Variants in DIAPH2 observed in about 807,000 individuals in gnomAD.
The protein encoded by DIAPH2 is protein diaphanous homolog 2.
In DIAPH2, 35 loss-of-function variants were observed where a neutral mutation model predicts 92.7. The ratio of observed to expected loss-of-function variants is 0.38; its 90% CI spans 0.29 to 0.50. The LOEUF (loss-of-function observed/expected upper bound fraction) is 0.50, where lower values mean the gene tolerates loss of function less well. Ranked by LOEUF, DIAPH2 falls within the 20% of genes least tolerant of loss-of-function variation. The probability of loss-of-function intolerance (pLI) is 0.94; values close to 1 mark genes in which losing one functional copy is unlikely to be tolerated. For missense variants in DIAPH2, 701 were observed against 819.5 expected, an observed-to-expected ratio of 0.86 and a Z score of 1.77; for synonymous variants, 301 against 280.4, an observed-to-expected ratio of 1.07 and a Z score of -0.73.
At chrX:97,101,537 G>A (rs1380423907) in intron 20 of DIAPH2, among the ~76,000 whole-genome samples, 1 of 110,912 alleles carries the variant, frequency 9.0e-6, no homozygotes, top group East Asian at 2.8e-4. Flanking sequence ...GGAAAGTCAA[G>A]GACATTACAA....
At chrX:97,274,509 A>G (rs1333865187) in intron 23 of DIAPH2, among the ~76,000 whole-genome samples, 2 of 107,833 alleles carry the variant, frequency 1.9e-5, no homozygotes, top group Non-Finnish European at 3.9e-5. Flanking sequence ...CTCCATCTCA[A>G]AAAAAAAAAA....
intron 26 of DIAPH2, among the ~76,000 whole-genome samples, chrX:97,581,146 G>T (rs1602681282): frequency 1.0e-5 from 1 of 97,868 alleles, no homozygotes; most frequent in East Asian, 3.2e-4. Flanking sequence ...ATTTTTTGAA[G>T]GGTTTTTTGT....
intron 2 of DIAPH2, among the ~76,000 whole-genome samples, chrX:96,738,035 C>T (rs1446636568): frequency 8.9e-6 from 1 of 111,821 alleles, no homozygotes; most frequent in African/African-American, 3.2e-5. Flanking sequence ...CACAAGGTTA[C>T]TCAGCTAGTA....
In DIAPH2 at chrX:97,263,556, GTTATTTATTTATTTATTTATTTAT is replaced by G. The variant is rs201397413; in HGVS notation, c.2844+15740_2844+15763del. On this transcript the variant is annotated intron_variant, in intron 23 of 26. Transcript: ENST00000324765. Reference sequence around the variant, plus strand: ...CCTTTGTAAATAGGATGTTCCAACTGTTATTTATTTATTTATTTATTTATTTATTTATTTATTTATTTATTTTTG... The same window carrying G: ...CCTTTGTAAATAGGATGTTCCAACTGTTATTTATTTATTTATTTATTTTTG... Among the ~76,000 whole-genome samples, 17 of 98,037 alleles carry G rather than the reference GTTATTTATTTATTTATTTATTTAT, an allele frequency of 1.7e-4. No individual in the cohort carries two copies. In the South Asian group the frequency reaches 7.3e-3, roughly 42 times the overall value. The allele number at this position is 98,037 out of a possible 115,157, so 85.1% of individuals were successfully genotyped here.
At chrX:97,000,620 TACACACACAC>T (rs56284459) in intron 17 of DIAPH2, among the ~76,000 whole-genome samples, 6 of 99,881 alleles carry the variant, frequency 6.0e-5, no homozygotes, top group Non-Finnish European at 1.0e-4. Flanking sequence ...TACAAATGAA[TACACACACAC>T]ACACACACAC....
intron 17 of DIAPH2, among the ~76,000 whole-genome samples, chrX:97,056,262 CTT>C (rs1473672612): frequency 2.7e-5 from 3 of 111,315 alleles, no homozygotes; most frequent in Non-Finnish European, 5.7e-5. Flanking sequence ...TTTTGATACT[CTT>C]TATTTTGCCA....
At chrX:96,984,178 T>C (rs2066015915) in intron 17 of DIAPH2, among the ~76,000 whole-genome samples, 1 of 112,059 alleles carries the variant, frequency 8.9e-6, no homozygotes. Flanking sequence ...TAAATGTTTT[T>C]ATGGTAATAT....
chrX:96,997,207 C>G (rs1423265899), intron 17 of DIAPH2, among the ~76,000 whole-genome samples: 1 of 112,060 alleles, frequency 8.9e-6, no homozygotes, highest in Non-Finnish European at 1.9e-5. Context: ...TTAGTCTGTA[C>G]AAAGATCACA....
In DIAPH2 at chrX:96,864,788, G is replaced by A. The variant is rs191246187; in HGVS notation, c.448-16791G>A. Among the ~76,000 whole-genome samples the A allele has an allele frequency of 4.5e-5, 5 of 111,868 alleles. No homozygotes were observed. The East Asian group carries it at 1.4e-3, about 32-fold the overall frequency. On this transcript the variant is annotated intron_variant, in intron 4 of 26. Transcript: ENST00000324765. ...TGCCAAAGTCATGAGAGAGAAAGAC[G>A]AATGGATAGGACACTGAAGTAGAAA... is the stretch of plus-strand genomic sequence containing the variant.
At chrX:97,597,092 T>TGTAA (rs1940808209) in intron 26 of DIAPH2, among the ~76,000 whole-genome samples, 1 of 112,164 alleles carries the variant, frequency 8.9e-6, no homozygotes, top group Non-Finnish European at 1.9e-5. Flanking sequence ...ATTGTGAAAA[T>TGTAA]GTAAGTGGCA....
intron 26 of DIAPH2, among the ~76,000 whole-genome samples, chrX:97,439,238 G>C (rs1316189276): frequency 9.0e-6 from 1 of 110,881 alleles, no homozygotes; most frequent in Non-Finnish European, 1.9e-5. Context: ...GACCACCCTA[G>C]GCAACACAGG....
intron 22 of DIAPH2, among the ~76,000 whole-genome samples, chrX:97,180,737 C>T (rs2466327): frequency 9.0e-6 from 1 of 111,675 alleles, no homozygotes; most frequent in Non-Finnish European, 1.9e-5. Flanking sequence ...AGCCAGGTTT[C>T]CCAGCACCAT....
At chrX:97,492,794 G>A (rs946893403) in intron 26 of DIAPH2, among the ~76,000 whole-genome samples, 3 of 111,720 alleles carry the variant, frequency 2.7e-5, no homozygotes, top group African/African-American at 9.7e-5. Flanking sequence ...TTTACATCAC[G>A]AGTCACTTTT....
chrX:96,957,503 G>A (rs981826870), intron 15 of DIAPH2, among the ~76,000 whole-genome samples: 6 of 111,377 alleles, frequency 5.4e-5, no homozygotes, highest in Non-Finnish European at 5.6e-5. Context: ...TTCAGGTCTT[G>A]TGAGAGCTTG....
intron 25 of DIAPH2, among the ~76,000 whole-genome samples, chrX:97,411,986 C>T (rs1447914721): frequency 9.0e-6 from 1 of 111,608 alleles, no homozygotes; most frequent in Non-Finnish European, 1.9e-5. Context: ...CAATATTAGA[C>T]AGATCAATGA....
At chrX:96,697,348 T>C (rs2063830610) in intron 1 of DIAPH2, among the ~76,000 whole-genome samples, 1 of 109,572 alleles carries the variant, frequency 9.1e-6, no homozygotes. Context: ...GAATTTAGAA[T>C]TGAAGACCAA....
At chrX:97,109,648 G>T (rs1023158173) in intron 20 of DIAPH2, among the ~76,000 whole-genome samples, 1 of 110,970 alleles carries the variant, frequency 9.0e-6, no homozygotes, top group Non-Finnish European at 1.9e-5. Flanking sequence ...TATTGTTGGG[G>T]TGACCTACCT....
chrX:97,108,900 C>A (rs1372386370), intron 20 of DIAPH2, among the ~76,000 whole-genome samples: 1 of 110,909 alleles, frequency 9.0e-6, no homozygotes, highest in East Asian at 2.8e-4. Flanking sequence ...AAGATAAGGA[C>A]CCCGGTTTCT....
At chrX:97,073,080 C>T (rs377499488) in intron 18 of DIAPH2, 38 bp downstream of exon 18, 49 of 924,208 alleles carry the variant, frequency 5.3e-5, no homozygotes, top group Middle Eastern at 2.7e-4. Context: ...GTATAGGTAA[C>T]GGTGAGAGGG....
Sources: gnomAD v4.1 joint callset for allele counts (sites outside exome capture counted in the v4.1 genomes callset) on GRCh38, gnomAD v4.1.1 for gene constraint, MANE v1.5 for transcripts, NCBI Gene and HGNC (gene_info 2026-07-23, HGNC 2026-07-21) for gene names.